Variants in FANCC observed in about 807,000 individuals in gnomAD.
FANCC encodes Fanconi anemia group C protein.
FANCC carries 55 observed loss-of-function variants against 71.3 expected under a neutral mutation model. That is an observed-to-expected ratio of 0.77 (90% CI 0.62 to 0.97). The LOEUF (loss-of-function observed/expected upper bound fraction) is 0.97, where lower values mean the gene tolerates loss of function less well. FANCC is among the 50% of genes least tolerant of loss of function. FANCC has a pLI of 0.00. For synonymous variants in FANCC, 275 were observed against 244.9 expected (o/e 1.12, Z -1.15); for missense variants, 678 against 670.9 (o/e 1.01, Z -0.12).
At chr9:95,182,888 G>A (rs974046780) in intron 4 of FANCC, among the ~76,000 whole-genome samples, 2 of 152,050 alleles carry the variant, frequency 1.3e-5, no homozygotes, top group African/African-American at 4.8e-5. Context: ...GCTGGGACAG[G>A]GGAAGGTGAC....
At chr9:95,129,780 C>G (rs1393608941) in intron 8 of FANCC, among the ~76,000 whole-genome samples, 2 of 152,126 alleles carry the variant, frequency 1.3e-5, no homozygotes, top group Non-Finnish European at 2.9e-5. Context: ...CTCCTTATCT[C>G]CCCCCTCAGG....
chr9:95,212,378 G>A (rs986308970), intron 4 of FANCC, among the ~76,000 whole-genome samples: 1 of 152,028 alleles, frequency 6.6e-6, no homozygotes, highest in Admixed American at 6.6e-5. Context: ...AGTAGAAAAA[G>A]ATACAGATGA....
chr9:95,139,998 A>C (rs533913596), intron 7 of FANCC, among the ~76,000 whole-genome samples: 133 of 151,978 alleles, frequency 8.8e-4, no homozygotes, highest in African/African-American at 3.1e-3. Flanking sequence ...TCTTCTCTAT[A>C]ATGGTTCCAT....
At chr9:95,295,977 T>C (rs1297451814) in intron 1 of FANCC, among the ~76,000 whole-genome samples, 1 of 152,192 alleles carries the variant, frequency 6.6e-6, no homozygotes, top group African/African-American at 2.4e-5. Context: ...TTAAGTGTTC[T>C]TACCATACAC....
rs561339763 is a variant in FANCC, at chr9:95,301,072, T to C, written c.-79+16454A>G. 5.3e-5 allele frequency among the ~76,000 whole-genome samples: 8 copies of C among 151,916 alleles called. No homozygotes were observed. The East Asian group carries it at 1.5e-3, about 29-fold the overall frequency. ...GCCACCAAATTTAAGACTTTGTTCCTCGCTTGCAATTATTTCTCGGTTAAG... is the reference window on the plus strand; with the variant it reads ...GCCACCAAATTTAAGACTTTGTTCCCCGCTTGCAATTATTTCTCGGTTAAG... On this transcript the variant is annotated intron_variant, in intron 1 of 14. Transcript: ENST00000289081.
chr9:95,254,303 G>T (rs1275945458), intron 1 of FANCC, among the ~76,000 whole-genome samples: 1 of 152,234 alleles, frequency 6.6e-6, no homozygotes, highest in Non-Finnish European at 1.5e-5. Context: ...GGCCGAATAG[G>T]AACAGCTCTG....
chr9:95,243,308 C>T lies in FANCC; in HGVS notation c.251-2565G>A, dbSNP rs756764648. 3.9e-4 allele frequency among the ~76,000 whole-genome samples: 60 copies of T among 152,086 alleles called. 1 individual carries two copies. Among genetic ancestry groups the T allele is most frequent in the African/African-American group, 1.3e-3 (53 of 41,422 alleles). ...AGTATTTTTATGCTGAGGACATCATCGAATAAAAAGGTATTCTCTAACTTT... is the reference window on the plus strand; with the variant it reads ...AGTATTTTTATGCTGAGGACATCATTGAATAAAAAGGTATTCTCTAACTTT... On this transcript the variant is annotated intron_variant, in intron 3 of 14. Coordinates refer to ENST00000289081, the MANE Select transcript of FANCC (RefSeq NM_000136.3).
intron 14 of FANCC, among the ~76,000 whole-genome samples, chr9:95,104,917 A>G (rs2071323532): frequency 6.6e-6 from 1 of 151,988 alleles, no homozygotes. Context: ...GACTTTTTAG[A>G]TCCCACCCAT....
At chr9:95,208,077 CTTTTTTTTTTTTTTTTT>C (rs58961733) in intron 4 of FANCC, among the ~76,000 whole-genome samples, 16 of 47,656 alleles carry the variant, frequency 3.4e-4, no homozygotes, top group African/African-American at 1.3e-3. Context: ...ATCCAGAAGC[CTTTTTTTTTTTTTTTTT>C]TTTTTTTTTT....
chr9:95,105,725 C>T (rs2071392143), intron 14 of FANCC, among the ~76,000 whole-genome samples: 1 of 152,244 alleles, frequency 6.6e-6, no homozygotes, highest in Non-Finnish European at 1.5e-5. Flanking sequence ...ACCTAAGTGA[C>T]TCATACAACA....
intron 11 of FANCC, among the ~76,000 whole-genome samples, chr9:95,115,883 A>G (rs2134660690): frequency 6.6e-6 from 1 of 152,282 alleles, no homozygotes; most frequent in East Asian, 1.9e-4. Context: ...ATCCTCTTTT[A>G]CACCCCTCTC....
At chr9:95,292,347 T>C (rs949528803) in intron 1 of FANCC, 5 of 922,392 alleles carry the variant, frequency 5.4e-6, no homozygotes, top group Non-Finnish European at 6.5e-6. Context: ...CATGGCGGCC[T>C]CGGAGGCGGT....
intron 1 of FANCC, chr9:95,292,853 G>C (rs1408943201): frequency 2.5e-6 from 4 of 1,585,034 alleles, no homozygotes; most frequent in South Asian, 2.2e-5. Flanking sequence ...GCAGCAATTC[G>C]TACGGTACAG....
intron 8 of FANCC, among the ~76,000 whole-genome samples, chr9:95,127,950 T>C (rs1286097441): frequency 6.6e-6 from 1 of 152,248 alleles, no homozygotes; most frequent in Non-Finnish European, 1.5e-5. Context: ...TCCTACTCTT[T>C]AAATAATCTA....
chr9:95,179,141 T>C (rs1200345030), intron 4 of FANCC, among the ~76,000 whole-genome samples: 1 of 152,228 alleles, frequency 6.6e-6, no homozygotes, highest in Non-Finnish European at 1.5e-5. Context: ...CACATGTGTT[T>C]TGATGTGTTC....
intron 10 of FANCC, chr9:95,123,431 AG>A: frequency 2.2e-6 from 1 of 457,706 alleles, no homozygotes; most frequent in South Asian, 1.6e-5. Context: ...CTTGAGCCTC[AG>A]AGGTTGAGAC....
intron 1 of FANCC, chr9:95,294,690 A>G: frequency 6.3e-7 from 1 of 1,596,114 alleles, no homozygotes; most frequent in Non-Finnish European, 8.6e-7. Flanking sequence ...CCAACAACGA[A>G]ACTCAAACAA....
At chr9:95,131,228 T>G (rs993310524) in intron 8 of FANCC, among the ~76,000 whole-genome samples, 1 of 152,216 alleles carries the variant, frequency 6.6e-6, no homozygotes, top group African/African-American at 2.4e-5. Flanking sequence ...TTCTCTGTGT[T>G]TGGACACAGA....
intron 7 of FANCC, among the ~76,000 whole-genome samples, chr9:95,142,959 C>T (rs1828991014): frequency 6.6e-6 from 1 of 152,208 alleles, no homozygotes; most frequent in African/African-American, 2.4e-5. Flanking sequence ...CATTAGCACA[C>T]ACCCCACAGG....
Sources: allele counts gnomAD v4.1 joint callset (sites outside exome capture counted in the v4.1 genomes callset), GRCh38; gene constraint gnomAD v4.1.1; transcripts MANE v1.5; gene names NCBI Gene and HGNC (gene_info 2026-07-23, HGNC 2026-07-21).